Variants in MTURN observed in about 807,000 individuals in gnomAD.
MTURN encodes maturin.
In MTURN, 7 loss-of-function variants were observed where a neutral mutation model predicts 14.9. That is an observed-to-expected ratio of 0.47 (90% CI 0.27 to 0.88). The LOEUF (loss-of-function observed/expected upper bound fraction) is 0.88, where lower values mean the gene tolerates loss of function less well. Ranked by LOEUF, MTURN falls within the 40% of genes least tolerant of loss-of-function variation. The pLI, the probability that MTURN is intolerant of heterozygous loss-of-function variation, is 0.14. For synonymous variants in MTURN, 69 were observed against 72.5 expected, an observed-to-expected ratio of 0.95 and a Z score of 0.25; for missense variants, 151 against 174.1, an observed-to-expected ratio of 0.87 and a Z score of 0.75.
At chr7:30,151,687 C>G (rs890626844) in intron 2 of MTURN, among the ~76,000 whole-genome samples, 3 of 152,152 alleles carry the variant, frequency 2.0e-5, no homozygotes, top group African/African-American at 7.2e-5. Flanking sequence ...GGTCCTGAGT[C>G]CCCTATTGCT....
At chr7:30,151,200 C>T (rs1038309083) in intron 2 of MTURN, among the ~76,000 whole-genome samples, 11 of 152,172 alleles carry the variant, frequency 7.2e-5, no homozygotes, top group African/African-American at 1.2e-4. Flanking sequence ...ACTGGCATGT[C>T]GTATCCAAAT....
chr7:30,157,365 T>C (rs1562572048), intron 2 of MTURN, 73 bp from the exon 3 acceptor site: 1 of 1,291,428 alleles, frequency 7.7e-7, no homozygotes, highest in South Asian at 1.5e-5. Context: ...GTGGATCCGA[T>C]GCCTTTGGTT....
intron 2 of MTURN, among the ~76,000 whole-genome samples, chr7:30,153,111 T>A (rs957868): frequency 0.018 from 2,722 of 152,148 alleles, 39 homozygotes; most frequent in Middle Eastern, 0.062. Context: ...CCCACCTTTT[T>A]GGTATGAGAA....
chr7:30,141,369 C>T (rs975783564), intron 1 of MTURN: 4 of 146,344 alleles, frequency 2.7e-5, no homozygotes, highest in South Asian at 4.3e-4. Context: ...GAGCCAAGAT[C>T]GCACCACTGC....
rs546969703 is a variant in MTURN at position 30,138,681 on chromosome 7, G to A, written c.162+3383G>A. ...CACTGTCTACCCAGCAGTCATTTTG[G>A]ATCTATTTAAAATATAAGCCAGATC... On this transcript the variant is annotated intron_variant, in intron 1 of 2. Transcript: ENST00000324453. Among the ~76,000 whole-genome samples the A allele has an allele frequency of 2.6e-5, 4 of 151,972 alleles. No individual in the cohort carries two copies. In the East Asian group the frequency reaches 7.8e-4, roughly 30 times the overall value.
chr7:30,146,163 C>G lies in MTURN; in HGVS notation c.163-14C>G, dbSNP rs772923823. On this transcript the variant is annotated splice_polypyrimidine_tract_variant and intron_variant, in intron 1 of 2. Coordinates refer to ENST00000324453, the MANE Select transcript of MTURN (RefSeq NM_152793.3). The stretch of plus-strand genomic sequence containing the variant: ...TGTCTTTGTTTTCTCCTTCCGTCGC[C>G]CGTGGGCACGCAGCACGTGTGGAGT... 5.0e-6 allele frequency: 8 copies of G among 1,613,582 alleles called. No individual in the cohort carries two copies. The highest frequency in any genetic ancestry group is 4.2e-6 in the Non-Finnish European group (5 of 1,179,570).
intron 1 of MTURN, chr7:30,145,750 C>G: frequency 7.5e-7 from 1 of 1,328,480 alleles, no homozygotes; most frequent in African/African-American, 1.5e-5. Flanking sequence ...CAAGTTAATG[C>G]TTACAAACTA....
At chr7:30,149,819 T>G (rs1373784631) in intron 2 of MTURN, among the ~76,000 whole-genome samples, 1 of 152,220 alleles carries the variant, frequency 6.6e-6, no homozygotes, top group African/African-American at 2.4e-5. Context: ...AGCTGCTTTT[T>G]TGTTTATCGT....
intron 2 of MTURN, among the ~76,000 whole-genome samples, chr7:30,149,773 T>G (rs1797181103): frequency 6.6e-6 from 1 of 152,240 alleles, no homozygotes; most frequent in African/African-American, 2.4e-5. Flanking sequence ...GCACATCATT[T>G]CCCTGAAAAT....
At position 30,158,682 on chromosome 7, in the gene MTURN, A is replaced by G. The variant is rs1256096078; in HGVS notation, c.*1134A>G. ...TTTTAATAATCAAGATACTCAGACAACTCACAGAAACAACTTCTGTAATAA... is the reference window on the plus strand; with the variant it reads ...TTTTAATAATCAAGATACTCAGACAGCTCACAGAAACAACTTCTGTAATAA... On this transcript the variant is annotated 3_prime_UTR_variant, in exon 3 of 3. Transcript: ENST00000324453. 6.6e-6 allele frequency: 1 copy of G among 152,186 alleles called. No homozygotes were observed. Among genetic ancestry groups the G allele is most frequent in the Non-Finnish European group, 1.5e-5 (1 of 68,026 alleles). The allele number at this position is 152,186 out of a possible 1,614,324, so 9.4% of individuals were successfully genotyped here.
In MTURN at chr7:30,157,709, C is replaced by A. The variant is rs537332144; in HGVS notation, c.*161C>A. The A allele has an allele frequency of 6.6e-5, 28 of 427,094 alleles. No individual in the cohort carries two copies. Among genetic ancestry groups the A allele is most frequent in the African/African-American group, 5.0e-4 (24 of 48,134 alleles). 26.5% of individuals were successfully genotyped at this position (427,094 alleles called of 1,614,324 possible). A position where few individuals can be genotyped will look rare whatever the true frequency, so the allele number is the denominator to read the frequency against. On this transcript the variant is annotated 3_prime_UTR_variant, in exon 3 of 3. Coordinates refer to ENST00000324453, the MANE Select transcript of MTURN (RefSeq NM_152793.3). ...TACCTTTTTAACGACCACAAAATAT[C>A]TGTGATGAGCTTTGCTCAGAAGTGA...
chr7:30,135,143 T>A lies in MTURN; in HGVS notation c.7T>A (p.Phe3Ile). The A allele has an allele frequency of 6.9e-7, 1 of 1,454,476 alleles. No homozygotes were observed. The highest frequency in any genetic ancestry group is 9.1e-7 in the Non-Finnish European group (1 of 1,095,656). The allele number at this position is 1,454,476 out of a possible 1,614,324, so 90.1% of individuals were successfully genotyped here. The change falls in exon 1 of 3, where the codon TTC (phenylalanine) becomes ATC (isoleucine). Residue 3 changes from phenylalanine to isoleucine, a missense_variant. Physicochemically the swap from Phe to Ile is conservative, Grantham distance 21. Coordinates refer to ENST00000324453, the MANE Select transcript of MTURN (RefSeq NM_152793.3). The part of the protein sequence containing the change: MD[F>I]QQLADVAEKW... The stretch of plus-strand genomic sequence containing the variant: ...AGGCGGGCGCGGGGCCGCGATGGAT[T>A]TCCAGCAGCTGGCCGACGTTGCGGA...
chr7:30,155,731 C>G (rs543541854), intron 2 of MTURN, among the ~76,000 whole-genome samples: 3 of 152,306 alleles, frequency 2.0e-5, no homozygotes, highest in African/African-American at 7.2e-5. Flanking sequence ...CAATGCCTAG[C>G]AGATGATTTT....
At chr7:30,157,391 G>A in intron 2 of MTURN, 47 bp from the exon 3 acceptor site, 1 of 1,492,270 alleles carries the variant, frequency 6.7e-7, no homozygotes, top group Non-Finnish European at 9.0e-7. Context: ...CCTGCCTGTG[G>A]GCCATTTGGC....
chr7:30,136,290 G>A lies in MTURN; in HGVS notation c.162+992G>A, dbSNP rs957614876. Among the ~76,000 whole-genome samples the A allele has an allele frequency of 7.2e-5, 11 of 152,236 alleles. 1 individual carries two copies. Among genetic ancestry groups the A allele is most frequent in the African/African-American group, 2.4e-4 (10 of 41,464 alleles). ...CTCTGGCAGTTGAGGAAGGGGATGC[G>A]GAGGGCAGGGGAGTCGGGGTGGGAG... On this transcript the variant is annotated intron_variant, in intron 1 of 2. Transcript: ENST00000324453.
rs1797305224 is a variant in MTURN, at chr7:30,157,482, C to T, written c.330C>T (p.Tyr110=). 1 of 1,608,140 alleles carries T rather than the reference C, an allele frequency of 6.2e-7. No individual in the cohort carries two copies. The highest frequency in any genetic ancestry group is 8.5e-7 in the Non-Finnish European group (1 of 1,177,538). Residue 110 remains tyrosine, a synonymous_variant, in exon 3 of 3, where the codon TAC becomes TAT. Transcript: ENST00000324453. ...CAGATGACGATGCGTTTGAAGAGTA[C>T]AGTGCTGACGTGGAAGAAGAGGAGC... The part of the protein sequence containing the change: ...PDADDDAFEE[Y]SADVEEEEPE...
Position 30,159,381 on chromosome 7 carries a change from G to C in MTURN, c.*1833G>C, listed in dbSNP as rs1393955215. 2 of 152,156 alleles carry C rather than the reference G, an allele frequency of 1.3e-5. No individual in the cohort carries two copies. Among genetic ancestry groups the C allele is most frequent in the Non-Finnish European group, 2.9e-5 (2 of 68,008 alleles). The allele number at this position is 152,156 out of a possible 1,614,324, so 9.4% of individuals were successfully genotyped here. On this transcript the variant is annotated 3_prime_UTR_variant, in exon 3 of 3. Transcript: ENST00000324453. ...AACCTCCACTTTAATGCAGTAAGCCGCAAGAATGACTTCTGCAAGTGAAAT... is the reference window on the plus strand; with the variant it reads ...AACCTCCACTTTAATGCAGTAAGCCCCAAGAATGACTTCTGCAAGTGAAAT...
At chr7:30,143,339 T>C (rs1425115825) in intron 1 of MTURN, among the ~76,000 whole-genome samples, 1 of 150,884 alleles carries the variant, frequency 6.6e-6, no homozygotes, top group African/African-American at 2.5e-5. Context: ...TTGGATCTTA[T>C]TTCCCTCCCT....
At chr7:30,145,200 T>A (rs1797111551) in intron 1 of MTURN, among the ~76,000 whole-genome samples, 1 of 152,180 alleles carries the variant, frequency 6.6e-6, no homozygotes, top group Non-Finnish European at 1.5e-5. Flanking sequence ...AAAAAAGCCT[T>A]ACCCAGTCTT....
Sources: gnomAD v4.1 joint callset for allele counts (sites outside exome capture counted in the v4.1 genomes callset) on GRCh38, gnomAD v4.1.1 for gene constraint, MANE v1.5 for transcripts, NCBI Gene and HGNC (gene_info 2026-07-23, HGNC 2026-07-21) for gene names.